TAB2: variants seen among roughly 807,000 people sequenced by gnomAD.
TAB2 encodes the protein TGF-beta-activated kinase 1 and MAP3K7-binding protein 2.
A neutral mutation model predicts 65.0 loss-of-function variants in TAB2; 3 were observed. The ratio of observed to expected loss-of-function variants is 0.05; its 90% confidence interval spans 0.02 to 0.12. TAB2 has a LOEUF of 0.12. Ranked by LOEUF, TAB2 falls within the 10% of genes least tolerant of loss-of-function variation. The probability of loss-of-function intolerance (pLI) is 1.00; values close to 1 mark genes in which losing one functional copy is unlikely to be tolerated. For synonymous variants in TAB2, 298 were observed against 285.1 expected (o/e 1.05, Z -0.46); for missense variants, 623 against 840.3 (o/e 0.74, Z 3.20).
At chr6:149,286,357 T>C (rs1178353635) in intron 1 of TAB2, among the ~76,000 whole-genome samples, 2 of 152,242 alleles carry the variant, frequency 1.3e-5, no homozygotes, top group Non-Finnish European at 2.9e-5. Context: ...TTTATGGTAA[T>C]TTAATTTTTC....
intron 1 of TAB2, among the ~76,000 whole-genome samples, chr6:149,229,490 C>A (rs1442680756): frequency 6.6e-6 from 1 of 151,952 alleles, no homozygotes; most frequent in Non-Finnish European, 1.5e-5. Context: ...GGAGTCTGCA[C>A]AATTGATCAT....
chr6:149,395,744 T>C (rs1782143226), intron 3 of TAB2, among the ~76,000 whole-genome samples: 1 of 152,126 alleles, frequency 6.6e-6, no homozygotes, highest in Non-Finnish European at 1.5e-5. Flanking sequence ...TCCATTCTTT[T>C]GTGTTTAATT....
In TAB2 at chr6:149,359,288, C is replaced by T. The variant is rs143866319; in HGVS notation, c.-89-10621C>T. On this transcript the variant is annotated intron_variant, in intron 1 of 6. Coordinates refer to ENST00000637181, the MANE Select transcript of TAB2 (RefSeq NM_001292034.3). The stretch of plus-strand genomic sequence containing the variant: ...TTCCATAGCAGTTTTACTTTTGTTT[C>T]TGCCAGGAATCCTATGGTATCACCA... 5.9e-5 allele frequency among the ~76,000 whole-genome samples: 9 copies of T among 152,254 alleles called. No homozygotes were observed. The East Asian group carries it at 1.7e-3, about 29-fold the overall frequency.
chr6:149,379,096 C>G lies in TAB2; in HGVS notation c.1181C>G (p.Ala394Gly). 1.9e-6 allele frequency: 3 copies of G among 1,614,150 alleles called. No individual in the cohort carries two copies. The highest frequency in any genetic ancestry group is 2.5e-6 in the Non-Finnish European group (3 of 1,180,034). ...QPKVYISANA[A>G]TGDEQVMRNQ... The stretch of plus-strand genomic sequence containing the variant: ...AAGGTCTATATTTCAGCGAATGCTG[C>G]CACAGGAGATGAACAGGTCATGCGG... Residue 394 changes from alanine (A) to glycine (G), a missense_variant, in exon 3 of 7, where the codon GCC (alanine) becomes GGC (glycine). Transcript: ENST00000637181.
Position 149,398,289 on chromosome 6 carries a change from T to C in TAB2, c.1858+227T>C, listed in dbSNP as rs150473827. On this transcript the variant is annotated intron_variant, in intron 5 of 6. Transcript: ENST00000637181. ...GTAAAAATAAGGTTTATACATTCTTTAGACAATGATAGTTTCTTATACTTG... is the reference window on the plus strand; with the variant it reads ...GTAAAAATAAGGTTTATACATTCTTCAGACAATGATAGTTTCTTATACTTG... Among the ~76,000 whole-genome samples, 183 of 152,360 alleles carry C rather than the reference T, an allele frequency of 1.2e-3. 1 individual carries two copies. Among genetic ancestry groups the C allele is most frequent in the African/African-American group, 4.2e-3 (173 of 41,588 alleles).
At chr6:149,268,252 C>T (rs530675354) in intron 1 of TAB2, among the ~76,000 whole-genome samples, 53 of 152,290 alleles carry the variant, frequency 3.5e-4, no homozygotes, top group African/African-American at 1.1e-3. Flanking sequence ...CTCCGCATCA[C>T]GGTCCACTGT....
intron 1 of TAB2, among the ~76,000 whole-genome samples, chr6:149,358,755 C>T (rs771396402): frequency 6.6e-6 from 1 of 150,762 alleles, no homozygotes; most frequent in East Asian, 2.0e-4. Flanking sequence ...TCTTTCATAT[C>T]TTTCTACAAG....
intron 1 of TAB2, among the ~76,000 whole-genome samples, chr6:149,270,347 A>G (rs1229409760): frequency 2.0e-5 from 3 of 152,106 alleles, no homozygotes; most frequent in African/African-American, 7.2e-5. Context: ...TATCAGATAT[A>G]TGTTTTGCAA....
chr6:149,407,028 T>C (rs1583167660), intron 6 of TAB2, among the ~76,000 whole-genome samples: 1 of 152,340 alleles, frequency 6.6e-6, no homozygotes, highest in East Asian at 1.9e-4. Context: ...CCTTCATTTT[T>C]ATGTATAATT....
intron 3 of TAB2, among the ~76,000 whole-genome samples, chr6:149,383,168 GAAAA>G (rs901181075): frequency 1.3e-5 from 2 of 148,394 alleles, no homozygotes; most frequent in African/African-American, 5.0e-5. Context: ...AAATAAAGAA[GAAAA>G]AAAAAGGAAA....
chr6:149,313,160 TTTTTA>T (rs779322203), upstream of TAB2, among the ~76,000 whole-genome samples: 7 of 152,138 alleles, frequency 4.6e-5, no homozygotes, highest in East Asian at 1.9e-4. Context: ...TTAATTATTA[TTTTTA>T]TTTTATTTAT....
intron 3 of TAB2, among the ~76,000 whole-genome samples, chr6:149,391,117 T>C (rs1329997690): frequency 6.6e-6 from 1 of 152,200 alleles, no homozygotes; most frequent in African/African-American, 2.4e-5. Context: ...TATCTGGAAA[T>C]CCCCTCATAT....
chr6:149,350,650 A>C (rs1489242398), intron 1 of TAB2, among the ~76,000 whole-genome samples: 1 of 121,300 alleles, frequency 8.2e-6, no homozygotes, highest in African/African-American at 3.2e-5. Context: ...TTAAGAGCTC[A>C]GTCACCCAGG....
chr6:149,387,548 C>T (rs2114914582), intron 3 of TAB2, among the ~76,000 whole-genome samples: 2 of 152,096 alleles, frequency 1.3e-5, no homozygotes, highest in Admixed American at 1.3e-4. Context: ...AGTTCTCCTG[C>T]TTGGTTCTTT....
intron 3 of TAB2, among the ~76,000 whole-genome samples, chr6:149,390,425 T>C (rs1457762650): frequency 1.3e-5 from 2 of 152,202 alleles, no homozygotes; most frequent in Non-Finnish European, 2.9e-5. Flanking sequence ...ATGACATATG[T>C]CTTTTCTCAG....
intron 1 of TAB2, among the ~76,000 whole-genome samples, chr6:149,319,576 T>C (rs1779368792): frequency 6.6e-6 from 1 of 152,260 alleles, no homozygotes; most frequent in Non-Finnish European, 1.5e-5. Context: ...GTACTATCAA[T>C]GTGTTAACAG....
At chr6:149,274,202 C>T (rs183897066) in intron 1 of TAB2, among the ~76,000 whole-genome samples, 1 of 152,316 alleles carries the variant, frequency 6.6e-6, no homozygotes, top group Admixed American at 6.5e-5. Context: ...ATTGCTATGG[C>T]TGGGTGGTCT....
At chr6:149,240,389 T>G (rs1156418446) in intron 1 of TAB2, among the ~76,000 whole-genome samples, 1 of 152,182 alleles carries the variant, frequency 6.6e-6, no homozygotes, top group African/African-American at 2.4e-5. Context: ...GGGACATTTC[T>G]GCACCCACAG....
chr6:149,385,273 T>C (rs1392157412), intron 3 of TAB2, among the ~76,000 whole-genome samples: 2 of 152,264 alleles, frequency 1.3e-5, no homozygotes, highest in Non-Finnish European at 2.9e-5. Flanking sequence ...ATAATTTTAT[T>C]TAGTTCAGAT....
Sources: allele counts gnomAD v4.1 joint callset (sites outside exome capture counted in the v4.1 genomes callset), GRCh38; gene constraint gnomAD v4.1.1; transcripts MANE v1.5; gene names NCBI Gene and HGNC (gene_info 2026-07-23, HGNC 2026-07-21).